STK3: variants seen among roughly 807,000 people sequenced by gnomAD.
STK3 encodes serine/threonine kinase 3.
In STK3, 41 loss-of-function variants were observed where a neutral mutation model predicts 58.0. The ratio of observed to expected loss-of-function variants is 0.71; its 90% CI spans 0.55 to 0.92. The LOEUF is 0.92. STK3 is among the 40% of genes least tolerant of loss of function. STK3 has a pLI of 0.00. For synonymous variants in STK3, 170 were observed against 191.0 expected (o/e 0.89, Z 0.91); for missense variants, 479 against 602.7 (o/e 0.79, Z 2.15).
upstream of STK3, among the ~76,000 whole-genome samples, chr8:98,826,669 C>CAT (rs1019539441): frequency 6.6e-6 from 1 of 152,140 alleles, no homozygotes; most frequent in Non-Finnish European, 1.5e-5. Context: ...CCTTAAATTC[C>CAT]ATATATACCT....
At chr8:98,884,616 A>C (rs1386134930) in intron 1 of STK3, among the ~76,000 whole-genome samples, 1 of 152,172 alleles carries the variant, frequency 6.6e-6, no homozygotes, top group Admixed American at 6.5e-5. Context: ...TTGAAATGCG[A>C]GCCCCCAAGA....
At chr8:98,505,137 A>C (rs1397081052) in intron 10 of STK3, among the ~76,000 whole-genome samples, 1 of 152,032 alleles carries the variant, frequency 6.6e-6, no homozygotes, top group African/African-American at 2.4e-5. Context: ...TATTTCATTA[A>C]TTTGATCTTC....
At chr8:98,468,128 A>G (rs1455866673) in intron 10 of STK3, among the ~76,000 whole-genome samples, 3 of 152,244 alleles carry the variant, frequency 2.0e-5, no homozygotes, top group Admixed American at 6.5e-5. Flanking sequence ...TTCATTTAAA[A>G]CAGTTCAGAA....
intron 2 of STK3, among the ~76,000 whole-genome samples, chr8:98,772,205 T>C (rs1831357221): frequency 6.6e-6 from 1 of 152,228 alleles, no homozygotes; most frequent in Non-Finnish European, 1.5e-5. Flanking sequence ...TTTGTCATAT[T>C]ATAATTACTT....
chr8:98,703,038 T>G (rs1435293446), intron 6 of STK3, among the ~76,000 whole-genome samples: 1 of 152,234 alleles, frequency 6.6e-6, no homozygotes, highest in Admixed American at 6.5e-5. Context: ...AGCCTATATG[T>G]CTACCAAAAC....
chr8:98,714,154 C>G (rs1826790598), intron 4 of STK3, among the ~76,000 whole-genome samples: 1 of 152,184 alleles, frequency 6.6e-6, no homozygotes, highest in Non-Finnish European at 1.5e-5. Context: ...CTATCTATGA[C>G]AAACCCACAG....
At chr8:98,891,628 A>T (rs78803849) in intron 1 of STK3, among the ~76,000 whole-genome samples, 3,253 of 135,954 alleles carry the variant, frequency 0.024, 44 homozygotes, top group African/African-American at 0.042. Context: ...TGTGTGTGTG[A>T]GAGAGAGAGA....
intron 7 of STK3, among the ~76,000 whole-genome samples, chr8:98,580,911 A>T (rs1813827315): frequency 6.6e-6 from 1 of 152,264 alleles, no homozygotes; most frequent in Admixed American, 6.5e-5. Flanking sequence ...ACTATAAGAA[A>T]GAACTTTTTC....
At chr8:98,614,162 A>G (rs1817450056) in intron 6 of STK3, among the ~76,000 whole-genome samples, 1 of 152,222 alleles carries the variant, frequency 6.6e-6, no homozygotes, top group Non-Finnish European at 1.5e-5. Flanking sequence ...AGGATACAGA[A>G]GAAATCAACA....
intron 2 of STK3, among the ~76,000 whole-genome samples, chr8:98,768,736 C>A (rs988132515): frequency 6.6e-6 from 1 of 152,244 alleles, no homozygotes; most frequent in African/African-American, 2.4e-5. Flanking sequence ...GAATCCCCTT[C>A]CCTGAATGGT....
At chr8:98,523,507 T>C (rs1219394927) in intron 10 of STK3, among the ~76,000 whole-genome samples, 1 of 151,904 alleles carries the variant, frequency 6.6e-6, no homozygotes, top group East Asian at 1.9e-4. Context: ...CCCAAGTAGC[T>C]GGAATTACAA....
At chr8:98,380,963 C>CTTTTTTTTT (rs33934435) in intron 1 of STK3, among the ~76,000 whole-genome samples, 1 of 44,096 alleles carries the variant, frequency 2.3e-5, no homozygotes, top group African/African-American at 9.1e-5. Context: ...TCTCTCTCTC[C>CTTTTTTTTT]TTTTTTTTTT....
intron 4 of STK3, among the ~76,000 whole-genome samples, chr8:98,730,357 T>A (rs1828083630): frequency 6.6e-6 from 1 of 152,222 alleles, no homozygotes; most frequent in Non-Finnish European, 1.5e-5. Context: ...CAGAAATAGA[T>A]CTCATCCTGA....
chr8:98,736,659 T>C (rs926935505), intron 4 of STK3, among the ~76,000 whole-genome samples: 15 of 152,166 alleles, frequency 9.9e-5, no homozygotes, highest in Admixed American at 3.9e-4. Context: ...TTACCCCTAA[T>C]AAGATTTCTT....
At position 98,707,136 on chromosome 8, in the gene STK3, A is replaced by T; in HGVS notation, c.516+11T>A. ...AGCCAAGTGTTTAGAAAACCATTAA[A>T]GTTAACTTACTGTTAACTGACCAGC... On this transcript the variant is annotated intron_variant, in intron 5 of 10. Coordinates refer to ENST00000419617, the MANE Select transcript of STK3 (RefSeq NM_006281.4). 1 of 1,595,780 alleles carries T rather than the reference A, an allele frequency of 6.3e-7. No individual in the cohort carries two copies. Among genetic ancestry groups the T allele is most frequent in the African/African-American group, 1.4e-5 (1 of 73,958 alleles).
intron 10 of STK3, among the ~76,000 whole-genome samples, chr8:98,489,674 T>A (rs1183717783): frequency 1.3e-5 from 2 of 152,194 alleles, no homozygotes; most frequent in Non-Finnish European, 2.9e-5. Context: ...ATTCCACACA[T>A]TCAATAATAG....
downstream of STK3, among the ~76,000 whole-genome samples, chr8:98,453,975 T>C (rs751571644): frequency 1.3e-5 from 2 of 152,222 alleles, no homozygotes; most frequent in African/African-American, 2.4e-5. Flanking sequence ...ATATTGTAAA[T>C]TCAGTTCTTC....
At chr8:98,356,930 CACTT>C in the STK3 span, among the ~76,000 whole-genome samples, 1 of 152,172 alleles carries the variant, frequency 6.6e-6, no homozygotes, top group African/African-American at 2.4e-5. Context: ...GGCCAGCTGG[CACTT>C]ACTTCTCTGC....
intron 8 of STK3, among the ~76,000 whole-genome samples, chr8:98,571,951 A>G (rs558056422): frequency 6.6e-6 from 1 of 152,344 alleles, no homozygotes; most frequent in African/African-American, 2.4e-5. Flanking sequence ...CTTTAAAAAT[A>G]GCATGTCAAT....
Sources: allele counts gnomAD v4.1 joint callset (sites outside exome capture counted in the v4.1 genomes callset), GRCh38; gene constraint gnomAD v4.1.1; transcripts MANE v1.5; gene names NCBI Gene and HGNC (gene_info 2026-07-23, HGNC 2026-07-21).